The following GRIK2 variants were observed in gnomAD, a reference collection of about 807,000 sequenced individuals.
GRIK2 encodes the protein glutamate ionotropic receptor kainate type subunit 2, also known as glutamate receptor ionotropic, kainate 2.
Under a neutral mutation model 100.3 loss-of-function variants are expected in GRIK2, and 32 were observed. That is an observed-to-expected ratio of 0.32 (90% CI 0.24 to 0.43). The LOEUF is 0.43. Among genes scored for constraint, GRIK2 ranks in the 20% least tolerant of loss-of-function variants. The pLI is 1.00. For missense variants in GRIK2, 843 were observed against 1,114.9 expected (o/e 0.76, Z 3.47); for synonymous variants, 417 against 389.4 (o/e 1.07, Z -0.83).
chr6:101,727,131 A>G (rs1016821448), intron 7 of GRIK2, among the ~76,000 whole-genome samples: 1 of 152,090 alleles, frequency 6.6e-6, no homozygotes, highest in African/African-American at 2.4e-5. Flanking sequence ...TATATATACA[A>G]TCACTTAAAT....
chr6:101,421,055 T>C (rs981041896), intron 2 of GRIK2, among the ~76,000 whole-genome samples: 17 of 152,162 alleles, frequency 1.1e-4, no homozygotes, highest in African/African-American at 4.1e-4. Context: ...CCTTCTGTCA[T>C]CTTATCTCCA....
At chr6:101,442,477 C>T (rs999623237) in intron 2 of GRIK2, among the ~76,000 whole-genome samples, 3 of 152,128 alleles carry the variant, frequency 2.0e-5, no homozygotes, top group African/African-American at 4.8e-5. Flanking sequence ...CCCTTTTTTA[C>T]TTGGCTGTCT....
chr6:101,698,878 C>T (rs552565547), intron 7 of GRIK2, among the ~76,000 whole-genome samples: 2 of 152,168 alleles, frequency 1.3e-5, no homozygotes, highest in East Asian at 3.9e-4. Context: ...TAGGATATAA[C>T]TATAACTTTA....
chr6:101,434,461 C>T (rs940234521), intron 2 of GRIK2, among the ~76,000 whole-genome samples: 1 of 151,998 alleles, frequency 6.6e-6, no homozygotes, highest in African/African-American at 2.4e-5. Flanking sequence ...GAATTTCTGA[C>T]ATGCAGACTT....
At chr6:101,777,957 G>A (rs1778854647) in intron 7 of GRIK2, among the ~76,000 whole-genome samples, 2 of 152,178 alleles carry the variant, frequency 1.3e-5, no homozygotes, top group African/African-American at 4.8e-5. Context: ...ATACATTCTA[G>A]CTAAATGGCA....
chr6:101,488,997 T>C (rs1024863035), intron 2 of GRIK2, among the ~76,000 whole-genome samples: 4 of 146,622 alleles, frequency 2.7e-5, no homozygotes, highest in Non-Finnish European at 6.0e-5. Flanking sequence ...CTGGTTAAAA[T>C]AGATTTAGCT....
chr6:101,571,389 T>G (rs755501288), intron 2 of GRIK2, among the ~76,000 whole-genome samples: 3 of 152,158 alleles, frequency 2.0e-5, no homozygotes, highest in Non-Finnish European at 4.4e-5. Flanking sequence ...CTTAGTGCCA[T>G]GTTTTCAATT....
At chr6:101,967,720 G>A (rs1377282023) in intron 14 of GRIK2, among the ~76,000 whole-genome samples, 5 of 152,010 alleles carry the variant, frequency 3.3e-5, no homozygotes, top group Non-Finnish European at 5.9e-5. Flanking sequence ...ACGCAAACAG[G>A]TAAACAAACA....
chr6:101,553,795 A>G (rs934926066), intron 2 of GRIK2, among the ~76,000 whole-genome samples: 1 of 152,272 alleles, frequency 6.6e-6, no homozygotes, highest in African/African-American at 2.4e-5. Context: ...GGAAAGAGTC[A>G]GAATTTAAAA....
At chr6:102,045,422 A>T (rs986506699) in intron 15 of GRIK2, among the ~76,000 whole-genome samples, 4 of 152,080 alleles carry the variant, frequency 2.6e-5, no homozygotes, top group African/African-American at 9.7e-5. Context: ...GTGTACATAG[A>T]AAAGGAAAAA....
At chr6:101,508,340 A>G (rs1044245351) in intron 2 of GRIK2, among the ~76,000 whole-genome samples, 3 of 152,208 alleles carry the variant, frequency 2.0e-5, no homozygotes, top group Non-Finnish European at 4.4e-5. Flanking sequence ...CAGTGAAAAC[A>G]AGAGGATAAA....
intron 14 of GRIK2, among the ~76,000 whole-genome samples, chr6:102,024,474 G>T (rs965671225): frequency 1.3e-5 from 2 of 151,242 alleles, no homozygotes; most frequent in African/African-American, 4.8e-5. Context: ...TCACTGAGGA[G>T]AAGCAAACAT....
chr6:101,901,137 T>C (rs537044277), intron 12 of GRIK2, among the ~76,000 whole-genome samples: 87 of 152,166 alleles, frequency 5.7e-4, no homozygotes, highest in Non-Finnish European at 9.4e-4. Flanking sequence ...TTAAGTTTGG[T>C]ATTTTATTTG....
intron 14 of GRIK2, among the ~76,000 whole-genome samples, chr6:102,015,579 C>A (rs138125134): frequency 6.6e-6 from 1 of 152,148 alleles, no homozygotes; most frequent in East Asian, 1.9e-4. Context: ...ACTGTTGCTG[C>A]GGCCAACACC....
At chr6:101,938,850 G>T (rs1312544313) in intron 14 of GRIK2, among the ~76,000 whole-genome samples, 1 of 151,960 alleles carries the variant, frequency 6.6e-6, no homozygotes, top group African/African-American at 2.4e-5. Context: ...CAGGGTTGGC[G>T]ATAAAATGTA....
intron 14 of GRIK2, among the ~76,000 whole-genome samples, chr6:101,934,155 G>A (rs897820024): frequency 3.3e-5 from 5 of 151,788 alleles, no homozygotes; most frequent in African/African-American, 9.7e-5. Flanking sequence ...CCACAAAGAG[G>A]TTAAGTGACT....
At chr6:101,436,071 G>A (rs1257989608) in intron 2 of GRIK2, among the ~76,000 whole-genome samples, 1 of 151,966 alleles carries the variant, frequency 6.6e-6, no homozygotes, top group Non-Finnish European at 1.5e-5. Flanking sequence ...CTCTGTTAGC[G>A]TAATCTTGCC....
chr6:101,929,494 T>G (rs967902931), intron 14 of GRIK2, among the ~76,000 whole-genome samples: 17 of 152,152 alleles, frequency 1.1e-4, no homozygotes, highest in African/African-American at 4.1e-4. Context: ...AAAAAATGAT[T>G]AATTCAAGCT....
At chr6:101,828,309 T>C (rs2128426674) in intron 10 of GRIK2, among the ~76,000 whole-genome samples, 1 of 152,030 alleles carries the variant, frequency 6.6e-6, no homozygotes, top group African/African-American at 2.4e-5. Context: ...TGGTGCTAAA[T>C]GCCTACATCA....
Sources: gnomAD v4.1 joint callset for allele counts (sites outside exome capture counted in the v4.1 genomes callset) on GRCh38, gnomAD v4.1.1 for gene constraint, MANE v1.5 for transcripts, NCBI Gene and HGNC (gene_info 2026-07-23, HGNC 2026-07-21) for gene names.